Variants in TMPRSS2 observed in about 807,000 individuals in gnomAD.
The protein encoded by TMPRSS2 is transmembrane serine protease 2, also known as transmembrane protease serine 2.
A neutral mutation model predicts 67.4 loss-of-function variants in TMPRSS2; 59 were observed. The observed-to-expected ratio is 0.88, with a 90% CI of 0.71 to 1.09. The LOEUF is 1.09. Ranked by LOEUF, TMPRSS2 falls within the 50% of genes least tolerant of loss-of-function variation. TMPRSS2 has a pLI of 0.00. For synonymous variants in TMPRSS2, 257 were observed against 257.0 expected, an observed-to-expected ratio of 1.00 and a Z score of 0.00; for missense variants, 668 against 642.7, an observed-to-expected ratio of 1.04 and a Z score of -0.43.
intron 13 of TMPRSS2, 95 bp downstream of exon 13, chr21:41,467,639 C>T (rs1256611013): frequency 1.4e-6 from 2 of 1,454,614 alleles, no homozygotes; most frequent in African/African-American, 1.4e-5. Context: ...CAGTGGTCAC[C>T]AGTCAGCTTC....
In TMPRSS2 at chr21:41,468,398, G is replaced by A. The variant is rs772900547; in HGVS notation, c.1312C>T (p.Gln438Ter). 1 of 1,614,078 alleles carries A rather than the reference G, an allele frequency of 6.2e-7. No homozygotes were observed. Among genetic ancestry groups the A allele is most frequent in the African/African-American group, 1.3e-5 (1 of 75,036 alleles). ...GTAGAATAAAAATGTTGAATTACCTGGCAAGAATCGACGTTCCCCTGCAGG... is the reference window on the plus strand; with the variant it reads ...GTAGAATAAAAATGTTGAATTACCTAGCAAGAATCGACGTTCCCCTGCAGG... Reference protein sequence around the residue: ...GFLQGNVDSCQGDSGGPLVTS... With the variant: ...GFLQGNVDSC Residue 438 changes from glutamine to a stop codon, truncating the protein, a stop_gained and splice_region_variant, in exon 12 of 14, where the codon CAG (glutamine) becomes TAG (stop). Coordinates refer to ENST00000332149, the MANE Select transcript of TMPRSS2 (RefSeq NM_005656.4). LOFTEE classifies it high-confidence loss of function.
At chr21:41,507,204 C>T (rs1250364673) in intron 1 of TMPRSS2, among the ~76,000 whole-genome samples, 1 of 152,194 alleles carries the variant, frequency 6.6e-6, no homozygotes, top group East Asian at 1.9e-4. Flanking sequence ...TCGAGCAGAG[C>T]GCCCACTGCC....
intron 1 of TMPRSS2, among the ~76,000 whole-genome samples, chr21:41,505,358 G>T (rs2146513468): frequency 6.6e-6 from 1 of 152,290 alleles, no homozygotes; most frequent in East Asian, 1.9e-4. Flanking sequence ...AGATTCAGGT[G>T]GAAAAGGGTA....
chr21:41,476,304 T>G (rs988577513), intron 8 of TMPRSS2, among the ~76,000 whole-genome samples: 1 of 152,142 alleles, frequency 6.6e-6, no homozygotes, highest in African/African-American at 2.4e-5. Context: ...GGCCTCCAGC[T>G]CATGGGTGGC....
chr21:41,473,488 C>A lies in TMPRSS2; in HGVS notation c.736G>T (p.Val246Phe). The A allele has an allele frequency of 6.2e-7, 1 of 1,607,272 alleles. No individual in the cohort carries two copies. The highest frequency in any genetic ancestry group is 8.5e-7 in the Non-Finnish European group (1 of 1,176,964). ...CTCTGGCGGCTTGAGTTCAAGTTGA[C>A]CCCGCAGGCTGAGGATGACAAACAG... ...VVSLRCIACG[V>F]NLNSSRQSRI... is the part of the protein sequence containing the mutation. The change falls in exon 9 of 14, where the codon GTC (valine) becomes TTC (phenylalanine). Residue 246 changes from valine to phenylalanine, a missense_variant. Physicochemically the swap from Val to Phe is conservative, Grantham distance 50. Transcript: ENST00000332149.
At chr21:41,494,613 C>T in intron 2 of TMPRSS2, 35 bp from the exon 3 acceptor site, 3 of 1,587,774 alleles carry the variant, frequency 1.9e-6, no homozygotes, top group Non-Finnish European at 1.7e-6. Context: ...TAATATAAAA[C>T]TCTTATTTGC....
At chr21:41,481,194 G>A (rs1244375280) in intron 5 of TMPRSS2, among the ~76,000 whole-genome samples, 1 of 152,186 alleles carries the variant, frequency 6.6e-6, no homozygotes, top group African/African-American at 2.4e-5. Context: ...GCCCACCAAC[G>A]GCTGGGTGAG....
At chr21:41,488,772 G>C (rs1049537234) in intron 4 of TMPRSS2, among the ~76,000 whole-genome samples, 6 of 152,138 alleles carry the variant, frequency 3.9e-5, no homozygotes, top group Non-Finnish European at 7.4e-5. Context: ...TAAGTAGCTG[G>C]GATTACAGGT....
At chr21:41,501,166 GT>G (rs1439047147) in intron 1 of TMPRSS2, among the ~76,000 whole-genome samples, 1 of 152,208 alleles carries the variant, frequency 6.6e-6, no homozygotes, top group African/African-American at 2.4e-5. Flanking sequence ...ACCATTAATT[GT>G]CAAATAAAAG....
chr21:41,494,968 C>T (rs2091370300), intron 2 of TMPRSS2, among the ~76,000 whole-genome samples: 1 of 151,518 alleles, frequency 6.6e-6, no homozygotes, highest in African/African-American at 2.4e-5. Context: ...ACTCGGGAGG[C>T]TGAGGCAGGA....
At chr21:41,507,937 C>T (rs1314216385) in intron 1 of TMPRSS2, 144 bp downstream of exon 1, 3 of 1,489,798 alleles carry the variant, frequency 2.0e-6, no homozygotes, top group Non-Finnish European at 2.7e-6. Context: ...GCTCGACCCT[C>T]GGGCGCACTC....
chr21:41,499,381 A>C (rs1279742102), intron 1 of TMPRSS2, among the ~76,000 whole-genome samples: 4 of 152,156 alleles, frequency 2.6e-5, no homozygotes, highest in Non-Finnish European at 5.9e-5. Context: ...AAGCTCCTGA[A>C]CCTTCTAGGC....
chr21:41,496,105 A>G (rs892213779), intron 2 of TMPRSS2, among the ~76,000 whole-genome samples: 5 of 152,214 alleles, frequency 3.3e-5, no homozygotes, highest in African/African-American at 9.6e-5. Context: ...TGAGAAGAAT[A>G]ATAGCTAACA....
chr21:41,500,388 C>T (rs148719900), intron 1 of TMPRSS2, among the ~76,000 whole-genome samples: 488 of 152,318 alleles, frequency 3.2e-3, no homozygotes, highest in African/African-American at 0.01. Context: ...GGTTTGCCTT[C>T]GGTAAGTATT....
Position 41,468,544 on chromosome 21 carries a change from G to T in TMPRSS2, c.1172-6C>A, listed in dbSNP as rs1569008757. The T allele has an allele frequency of 4.3e-6, 7 of 1,613,874 alleles. No individual in the cohort carries two copies. The highest frequency in any genetic ancestry group is 5.9e-6 in the Non-Finnish European group (7 of 1,179,924). ...CAGCACTTCTGAGGTCTTCCCTAAG[G>T]ACAGGGAGACTTGTTGAGCTCCCAG... On this transcript the variant is annotated splice_region_variant and splice_polypyrimidine_tract_variant and intron_variant, in intron 11 of 13. Coordinates refer to ENST00000332149, the MANE Select transcript of TMPRSS2 (RefSeq NM_005656.4).
chr21:41,479,118 G>T, intron 7 of TMPRSS2, 54 bp downstream of exon 7: 1 of 1,310,254 alleles, frequency 7.6e-7, no homozygotes, highest in Non-Finnish European at 1.1e-6. Context: ...ATTCCCCATG[G>T]TGTCTCCTAG....
chr21:41,479,988 C>T (rs189193256), intron 6 of TMPRSS2, among the ~76,000 whole-genome samples: 21 of 152,158 alleles, frequency 1.4e-4, no homozygotes, highest in Non-Finnish European at 1.5e-4. Flanking sequence ...TTTTAAGTAT[C>T]AGTCTGATTG....
Position 41,478,793 on chromosome 21 carries a change from A to T in TMPRSS2, c.683+379T>A, listed in dbSNP as rs1227483346. Among the ~76,000 whole-genome samples the T allele has an allele frequency of 3.3e-5, 5 of 152,158 alleles. No individual in the cohort carries two copies. The highest frequency in any genetic ancestry group is 1.2e-4 in the African/African-American group (5 of 41,432). ...CCTGGCAAACTGGAATGAGCCGGTC[A>T]CCCTGGCTGGGACACTGAGACATTA... On this transcript the variant is annotated intron_variant, in intron 7 of 13. Coordinates refer to ENST00000332149, the MANE Select transcript of TMPRSS2 (RefSeq NM_005656.4). This position sits in a 1 kb window ranked among gnomAD's most constrained non-coding sequence, Gnocchi z 4.0.
intron 3 of TMPRSS2, among the ~76,000 whole-genome samples, chr21:41,491,189 G>GC (rs1367175402): frequency 9.1e-6 from 1 of 109,594 alleles, no homozygotes; most frequent in East Asian, 2.4e-4. Context: ...ACAGGGTCTT[G>GC]CTTGTTGCCC....
Sources: gnomAD v4.1 joint callset for allele counts (sites outside exome capture counted in the v4.1 genomes callset) on GRCh38, gnomAD v4.1.1 for gene constraint, Gnocchi (gnomAD v3.1) non-coding constraint, MANE v1.5 for transcripts, NCBI Gene and HGNC (gene_info 2026-07-23, HGNC 2026-07-21) for gene names.